The following SERPINB1 variants were observed in gnomAD, a reference collection of about 807,000 sequenced individuals.
The protein encoded by SERPINB1 is leukocyte elastase inhibitor.
SERPINB1 carries 23 observed loss-of-function variants against 25.9 expected under a neutral mutation model. That is an observed-to-expected ratio of 0.89 (90% CI 0.64 to 1.26). The LOEUF is 1.26. Among genes scored for constraint, SERPINB1 ranks in the 50% most tolerant of loss-of-function variants. The pLI is 0.00. For synonymous variants in SERPINB1, 178 were observed against 178.7 expected (o/e 1.00, Z 0.03); for missense variants, 399 against 463.6 (o/e 0.86, Z 1.28).
intron 3 of SERPINB1, 136 bp from the exon 4 acceptor site, chr6:2,838,135 T>C (rs1164545621): frequency 4.9e-5 from 31 of 629,862 alleles, no homozygotes; most frequent in Non-Finnish European, 7.3e-5. Context: ...CTAACTCTTA[T>C]AGTTTTTCTT....
At position 2,841,629 on chromosome 6, in the gene SERPINB1, TC is replaced by T. The variant is rs1424483402; in HGVS notation, c.-9+182del. On this transcript the variant is annotated intron_variant, in intron 1 of 6. Transcript: ENST00000380739. The surrounding 1 kb of genome is among the most constrained non-coding windows in gnomAD (Gnocchi z 4.5). ...GGGGCGGGGGATCAGAGGTCGTCTG[TC>T]TCCGTCGGGGCGCCCGGAAGGGATG... 8 of 151,564 alleles carry T rather than the reference TC, an allele frequency of 5.3e-5. No homozygotes were observed. The highest frequency in any genetic ancestry group is 3.9e-4 in the Admixed American group (6 of 15,242). The allele number at this position is 151,564 out of a possible 1,614,324, so 9.4% of individuals were successfully genotyped here.
rs368990209 is a variant in SERPINB1 at position 2,837,000 on chromosome 6, G to A, written c.425-750C>T. On this transcript the variant is annotated intron_variant, in intron 4 of 6. Transcript: ENST00000380739. ...TTCTGGAGTGGGTTGACTAATACAGGGCTATGTAAGAAGAGAGATGTAGCA... is the reference window on the plus strand; with the variant it reads ...TTCTGGAGTGGGTTGACTAATACAGAGCTATGTAAGAAGAGAGATGTAGCA... Among the ~76,000 whole-genome samples the A allele has an allele frequency of 5.3e-5, 8 of 152,264 alleles. No homozygotes were observed. The South Asian group carries it at 8.3e-4, about 16-fold the overall frequency.
At chr6:2,834,702 A>G (rs1435631149) in intron 6 of SERPINB1, among the ~76,000 whole-genome samples, 2 of 152,256 alleles carry the variant, frequency 1.3e-5, no homozygotes, top group Admixed American at 1.3e-4. Context: ...ATTTAGTCTG[A>G]ATCCCACTGA....
In SERPINB1 at chr6:2,837,922, T is replaced by C. The variant is rs746120343; in HGVS notation, c.384A>G (p.Ala128=). 1.4e-5 allele frequency: 23 copies of C among 1,614,108 alleles called. 1 individual carries two copies. The Middle Eastern group carries it at 6.6e-4, about 46-fold the overall frequency. The part of the protein sequence containing the change: ...SVDFQHASED[A]RKTINQWVKG... ...TGACCCACTGGTTTATGGTCTTCCT[T>C]GCATCTTCAGAGGCATGCTGAAAAT... Residue 128 remains alanine (A), a synonymous_variant, in exon 4 of 7, where the codon GCA becomes GCG. Transcript: ENST00000380739. This position sits in a 1 kb window ranked among gnomAD's most constrained non-coding sequence, Gnocchi z 4.3.
chr6:2,838,398 T>C, intron 3 of SERPINB1, 151 bp downstream of exon 3: 1 of 632,750 alleles, frequency 1.6e-6, no homozygotes, highest in Non-Finnish European at 2.4e-6. Context: ...TCTGTCGTGT[T>C]TGCCTTCCAT....
At position 2,833,820 on chromosome 6, in the gene SERPINB1, C is replaced by G. The variant is rs373856926; in HGVS notation, c.928G>C (p.Ala310Pro). The G allele has an allele frequency of 6.2e-7, 1 of 1,614,018 alleles. No individual in the cohort carries two copies. Among genetic ancestry groups the G allele is most frequent in the African/African-American group, 1.3e-5 (1 of 74,924 alleles). ...ATTTTTGATATAAAAATATCTCTGG[C>G]TCCTGACATGCCAGACAGATCAGCC... ...SKADLSGMSG[A>P]RDIFISKIVH... The change falls in exon 7 of 7, where the codon GCC (alanine) becomes CCC (proline). Residue 310 changes from alanine (A) to proline (P), a missense_variant. Ala to Pro is a conservative substitution (Grantham distance 27). Coordinates refer to ENST00000380739, the MANE Select transcript of SERPINB1 (RefSeq NM_030666.4).
chr6:2,835,335 A>G (rs1766454134), intron 6 of SERPINB1, among the ~76,000 whole-genome samples: 1 of 152,252 alleles, frequency 6.6e-6, no homozygotes, highest in Non-Finnish European at 1.5e-5. Context: ...ATAGAATTTT[A>G]TAGTACGTGA....
chr6:2,833,517 A>G lies in SERPINB1; in HGVS notation c.*91T>C. On this transcript the variant is annotated 3_prime_UTR_variant, in exon 7 of 7. Coordinates refer to ENST00000380739, the MANE Select transcript of SERPINB1 (RefSeq NM_030666.4). The stretch of plus-strand genomic sequence containing the variant: ...AGACTTGTTTCTGAACAGTGGTTTT[A>G]TTGGTAAAGATATAAGACATATTGG... The G allele has an allele frequency of 2.5e-6, 3 of 1,205,412 alleles. No individual in the cohort carries two copies. Among genetic ancestry groups the G allele is most frequent in the Non-Finnish European group, 3.4e-6 (3 of 882,494 alleles). The allele number at this position is 1,205,412 out of a possible 1,614,324, so 74.7% of individuals were successfully genotyped here.
intron 6 of SERPINB1, among the ~76,000 whole-genome samples, chr6:2,835,503 C>CTTGT (rs1766461835): frequency 6.6e-6 from 1 of 152,080 alleles, no homozygotes; most frequent in Admixed American, 6.5e-5. Flanking sequence ...ATGACCCCAT[C>CTTGT]ACAAGTGTCC....
Position 2,833,050 on chromosome 6 carries a change from T to C in SERPINB1, c.*558A>G, listed in dbSNP as rs950011509. 2.6e-5 allele frequency: 4 copies of C among 152,290 alleles called. No individual in the cohort carries two copies. The highest frequency in any genetic ancestry group is 1.9e-4 in the East Asian group (1 of 5,202). The allele number at this position is 152,290 out of a possible 1,614,324, so 9.4% of individuals were successfully genotyped here. On this transcript the variant is annotated 3_prime_UTR_variant, in exon 7 of 7. Coordinates refer to ENST00000380739, the MANE Select transcript of SERPINB1 (RefSeq NM_030666.4). ...CAGGTTATAACCATTGGCCCTTTAA[T>C]TGAAGAGTCTAAAAACTAGAGGTCT...
At chr6:2,839,246 T>C (rs2113541871) in intron 2 of SERPINB1, 1 of 875,716 alleles carries the variant, frequency 1.1e-6, no homozygotes, top group East Asian at 1.2e-4. Context: ...CAAGAGGCCC[T>C]TTGTGGTTTT....
At chr6:2,834,307 CCATCCATCCAT>C (rs1766424880) in intron 6 of SERPINB1, among the ~76,000 whole-genome samples, 1 of 114,606 alleles carries the variant, frequency 8.7e-6, no homozygotes, top group African/African-American at 3.1e-5. Context: ...ATCCATCCAT[CCATCCATCCAT>C]CCATCCATCC....
intron 6 of SERPINB1, among the ~76,000 whole-genome samples, chr6:2,835,274 A>C (rs771996514): frequency 2.6e-5 from 4 of 152,188 alleles, no homozygotes; most frequent in Non-Finnish European, 5.9e-5. Context: ...TACCCATTGA[A>C]AATTTAATTC....
rs145147772 is a variant in SERPINB1 at position 2,833,842 on chromosome 6, A to T, written c.906T>A (p.Ala302=). Residue 302 remains alanine (A), a synonymous_variant, in exon 7 of 7, where the codon GCT becomes GCA. Coordinates refer to ENST00000380739, the MANE Select transcript of SERPINB1 (RefSeq NM_030666.4). The stretch of plus-strand genomic sequence containing the variant: ...TGGCTCCTGACATGCCAGACAGATC[A>T]GCCTTGCTACTGTTAAAGAGATCCT... ...GVQDLFNSSK[A]DLSGMSGARD... 2.1e-5 allele frequency: 34 copies of T among 1,614,074 alleles called. No homozygotes were observed. The African/African-American group carries it at 4.0e-4, about 19-fold the overall frequency.
chr6:2,837,996 ACTC>A lies in SERPINB1; in HGVS notation c.307_309del (p.Glu103del), dbSNP rs1766544250. Reference sequence around the variant, plus strand: ...TATGTTTTCTGAGTCGAAACCAAGAACTCCTATTAAAAAAAAGGAAAAGGAAAT... The same window carrying A: ...TATGTTTTCTGAGTCGAAACCAAGAACTATTAAAAAAAAGGAAAAGGAAAT... On this transcript the variant is annotated inframe_deletion and splice_region_variant, in exon 4 of 7. Transcript: ENST00000380739. The surrounding 1 kb of genome is among the most constrained non-coding windows in gnomAD (Gnocchi z 4.3). The A allele has an allele frequency of 3.7e-6, 6 of 1,606,852 alleles. No homozygotes were observed. Among genetic ancestry groups the A allele is most frequent in the Non-Finnish European group, 5.1e-6 (6 of 1,175,378 alleles).
chr6:2,832,359 T>C lies in SERPINB1; in HGVS notation c.*1249A>G, dbSNP rs1248473169. 1 of 152,206 alleles carries C rather than the reference T, an allele frequency of 6.6e-6. No individual in the cohort carries two copies. The highest frequency in any genetic ancestry group is 6.5e-5 in the Admixed American group (1 of 15,280). The allele number at this position is 152,206 out of a possible 1,614,324, so 9.4% of individuals were successfully genotyped here. A position where few individuals can be genotyped will look rare whatever the true frequency, so the allele number is the denominator to read the frequency against. On this transcript the variant is annotated 3_prime_UTR_variant, in exon 7 of 7. Transcript: ENST00000380739. ...GCTTGCAGAATCCTAGGACGTTTTA[T>C]TAATTCATGATGCCCACTATCCTTG... is the stretch of plus-strand genomic sequence containing the variant.
intron 6 of SERPINB1, 130 bp downstream of exon 6, chr6:2,835,726 G>T: frequency 2.0e-6 from 2 of 1,012,906 alleles, no homozygotes; most frequent in Non-Finnish European, 2.9e-6. Context: ...AAGTGTTGAT[G>T]GGCTACATTT....
At chr6:2,840,650 C>T (rs1766622303) in intron 1 of SERPINB1, 56 bp from the exon 2 acceptor site, 2 of 1,496,916 alleles carry the variant, frequency 1.3e-6, no homozygotes, top group African/African-American at 1.4e-5. Flanking sequence ...GCAGATTAGG[C>T]AGCACTATTT....
rs1766393235 is a variant in SERPINB1 at position 2,833,329 on chromosome 6, G to A, written c.*279C>T. The stretch of plus-strand genomic sequence containing the variant: ...ATAGCAATTTTATAGATTACTACAT[G>A]GTCAAGAATCTACGCATCGGATGTA... On this transcript the variant is annotated 3_prime_UTR_variant, in exon 7 of 7. Transcript: ENST00000380739. The A allele has an allele frequency of 3.2e-6, 1 of 316,170 alleles. No individual in the cohort carries two copies. The highest frequency in any genetic ancestry group is 5.7e-6 in the Non-Finnish European group (1 of 174,450). The allele number at this position is 316,170 out of a possible 1,614,324, so 19.6% of individuals were successfully genotyped here.
Sources: allele counts gnomAD v4.1 joint callset (sites outside exome capture counted in the v4.1 genomes callset), GRCh38; gene constraint gnomAD v4.1.1; non-coding constraint Gnocchi (gnomAD v3.1); transcripts MANE v1.5; gene names NCBI Gene and HGNC (gene_info 2026-07-23, HGNC 2026-07-21).